The following HNRNPUL1 variants were observed in gnomAD, a reference collection of about 807,000 sequenced individuals.
HNRNPUL1 encodes the protein heterogeneous nuclear ribonucleoprotein U like 1, also known as heterogeneous nuclear ribonucleoprotein U-like protein 1.
HNRNPUL1 carries 14 observed loss-of-function variants against 108.5 expected under a neutral mutation model. That is an observed-to-expected ratio of 0.13 (90% CI 0.09 to 0.20). HNRNPUL1 has a LOEUF of 0.20. Among genes scored for constraint, HNRNPUL1 ranks in the 10% least tolerant of loss-of-function variants. The probability of loss-of-function intolerance (pLI) is 1.00; values close to 1 mark genes in which losing one functional copy is unlikely to be tolerated. For synonymous variants in HNRNPUL1, 422 were observed against 445.2 expected, an observed-to-expected ratio of 0.95 and a Z score of 0.66; for missense variants, 804 against 1,168.3, an observed-to-expected ratio of 0.69 and a Z score of 4.55.
At chr19:41,290,599 C>T (rs1192827953) in intron 7 of HNRNPUL1, among the ~76,000 whole-genome samples, 1 of 152,202 alleles carries the variant, frequency 6.6e-6, no homozygotes, top group Non-Finnish European at 1.5e-5. Context: ...CTTGTGTGCT[C>T]ACTGTGTATT....
chr19:41,302,103 G>T (rs919119513), intron 11 of HNRNPUL1, among the ~76,000 whole-genome samples: 1 of 152,006 alleles, frequency 6.6e-6, no homozygotes. Context: ...TGTGCACTGT[G>T]TCTAGGTGGG....
intron 7 of HNRNPUL1, among the ~76,000 whole-genome samples, chr19:41,290,502 G>A (rs2036520732): frequency 6.6e-6 from 1 of 152,094 alleles, no homozygotes; most frequent in Non-Finnish European, 1.5e-5. Context: ...CACATGCCGA[G>A]GTAGGCCGTG....
chr19:41,291,908 A>C (rs1009617970), intron 7 of HNRNPUL1: 1 of 244,484 alleles, frequency 4.1e-6, no homozygotes, highest in East Asian at 9.8e-5. Flanking sequence ...TTGAACCTGG[A>C]AGTTTGAGGT....
intron 7 of HNRNPUL1, among the ~76,000 whole-genome samples, chr19:41,284,618 A>G (rs1568443030): frequency 6.6e-6 from 1 of 152,094 alleles, no homozygotes; most frequent in Non-Finnish European, 1.5e-5. Context: ...GGCCCACTGC[A>G]CTCCAGCCTG....
At chr19:41,273,858 G>C in intron 3 of HNRNPUL1, 124 bp from the exon 4 acceptor site, 1 of 729,878 alleles carries the variant, frequency 1.4e-6, no homozygotes, top group Non-Finnish European at 2.3e-6. Flanking sequence ...CCACCTCTGT[G>C]GAAGGAAATG....
intron 3 of HNRNPUL1, among the ~76,000 whole-genome samples, chr19:41,273,445 T>A (rs1056524724): frequency 2.0e-5 from 3 of 152,246 alleles, no homozygotes; most frequent in African/African-American, 7.2e-5. Context: ...AGTCCCTTTT[T>A]TAGCGTTTTG....
At chr19:41,286,406 C>T (rs2036229140) in intron 7 of HNRNPUL1, 1 of 151,962 alleles carries the variant, frequency 6.6e-6, no homozygotes, top group Non-Finnish European at 1.5e-5. Context: ...GTCTGTATTC[C>T]TTCTTTTCTT....
intron 2 of HNRNPUL1, among the ~76,000 whole-genome samples, chr19:41,271,287 G>T (rs1424348595): frequency 6.6e-6 from 1 of 152,210 alleles, no homozygotes; most frequent in Admixed American, 6.5e-5. Flanking sequence ...AGCCACAGGA[G>T]AATATTTTCT....
intron 7 of HNRNPUL1, among the ~76,000 whole-genome samples, chr19:41,287,691 C>G (rs2036317883): frequency 6.6e-6 from 1 of 152,038 alleles, no homozygotes; most frequent in Admixed American, 6.6e-5. Flanking sequence ...GCCCGAGTAG[C>G]TGGGACTACA....
intron 12 of HNRNPUL1, among the ~76,000 whole-genome samples, chr19:41,303,414 T>C (rs949798673): frequency 1.4e-5 from 2 of 146,190 alleles, no homozygotes; most frequent in South Asian, 2.1e-4. Context: ...AGTGCAATGG[T>C]GTAATCTCGG....
intron 7 of HNRNPUL1, among the ~76,000 whole-genome samples, chr19:41,285,846 A>G (rs568601916): frequency 6.6e-6 from 1 of 152,288 alleles, no homozygotes; most frequent in South Asian, 2.1e-4. Context: ...ATGCGGTCAA[A>G]AATCCACGTA....
intron 1 of HNRNPUL1, chr19:41,265,083 A>G (rs1337797931): frequency 7.1e-7 from 1 of 1,408,598 alleles, no homozygotes; most frequent in Admixed American, 3.1e-5. Flanking sequence ...GAGACCGGAA[A>G]CTGCTTTCTG....
intron 3 of HNRNPUL1, 28 bp from the exon 4 acceptor site, chr19:41,273,954 T>C: frequency 7.6e-6 from 12 of 1,570,836 alleles, no homozygotes; most frequent in Non-Finnish European, 1.1e-5. Context: ...ATTGTTCTTG[T>C]ATGACTTAAC....
At chr19:41,285,976 C>T (rs1011425143) in intron 7 of HNRNPUL1, among the ~76,000 whole-genome samples, 1 of 152,048 alleles carries the variant, frequency 6.6e-6, no homozygotes, top group Non-Finnish European at 1.5e-5. Flanking sequence ...CAAGACCAGC[C>T]TGGGCAACAT....
chr19:41,267,938 T>C, intron 1 of HNRNPUL1: 1 of 244,914 alleles, frequency 4.1e-6, no homozygotes, highest in Non-Finnish European at 7.8e-6. Flanking sequence ...CAGGTCCCTT[T>C]CTTCATTCCT....
chr19:41,289,710 G>T (rs1157474471), intron 7 of HNRNPUL1, among the ~76,000 whole-genome samples: 3 of 140,396 alleles, frequency 2.1e-5, no homozygotes, highest in African/African-American at 8.5e-5. Flanking sequence ...TGCTCTCCAT[G>T]GTCTTTTTTT....
Position 41,305,523 on chromosome 19 carries a change from CCTCCTT to C in HNRNPUL1, c.2263-149_2263-144del, listed in dbSNP as rs2037490649. 3.2e-6 allele frequency: 3 copies of C among 927,342 alleles called. No homozygotes were observed. In the African/African-American group the frequency reaches 4.9e-5, roughly 15 times the overall value. The allele number at this position is 927,342 out of a possible 1,614,324, so 57.4% of individuals were successfully genotyped here. A position where few individuals can be genotyped will look rare whatever the true frequency, so the allele number is the denominator to read the frequency against. Reference sequence around the variant, plus strand: ...CCTACCATGGCATGGAGCTGGCTCTCCTCCTTCTCAGCCCACAAACAATGTCCACTA... The same window carrying C: ...CCTACCATGGCATGGAGCTGGCTCTCCTCAGCCCACAAACAATGTCCACTA... On this transcript the variant is annotated intron_variant, in intron 13 of 14. Transcript: ENST00000392006.
intron 7 of HNRNPUL1, among the ~76,000 whole-genome samples, chr19:41,290,902 A>G (rs1049444753): frequency 3.3e-5 from 5 of 152,204 alleles, no homozygotes; most frequent in African/African-American, 1.2e-4. Context: ...TAAAAATACA[A>G]AATTAGCCGG....
At position 41,264,449 on chromosome 19, in the gene HNRNPUL1, G is replaced by T; in HGVS notation, c.-55G>T. On this transcript the variant is annotated 5_prime_UTR_variant, in exon 1 of 15. Transcript: ENST00000392006. ...CTCCTGACAGGAAAGGTTTAAGGGG[G>T]ACAGAGCCCTGGGAGGCCGGGCCGG... 1 of 1,320,274 alleles carries T rather than the reference G, an allele frequency of 7.6e-7. No homozygotes were observed. Among genetic ancestry groups the T allele is most frequent in the South Asian group, 1.9e-5 (1 of 52,616 alleles). The allele number at this position is 1,320,274 out of a possible 1,614,324, so 81.8% of individuals were successfully genotyped here. A position where few individuals can be genotyped will look rare whatever the true frequency, so the allele number is the denominator to read the frequency against.
Sources: gnomAD v4.1 joint callset for allele counts (sites outside exome capture counted in the v4.1 genomes callset) on GRCh38, gnomAD v4.1.1 for gene constraint, MANE v1.5 for transcripts, NCBI Gene and HGNC (gene_info 2026-07-23, HGNC 2026-07-21) for gene names.